The following INPP5J variants were observed in gnomAD, a reference collection of about 807,000 sequenced individuals.
INPP5J encodes phosphatidylinositol 4,5-bisphosphate 5-phosphatase A.
A neutral mutation model predicts 86.6 loss-of-function variants in INPP5J; 75 were observed. The observed-to-expected ratio is 0.87, with a 90% CI of 0.72 to 1.05. The LOEUF (loss-of-function observed/expected upper bound fraction) is 1.05, where lower values mean the gene tolerates loss of function less well. Ranked by LOEUF, INPP5J falls within the 50% of genes least tolerant of loss-of-function variation. INPP5J has a pLI of 0.00. For synonymous variants in INPP5J, 540 were observed against 550.0 expected (o/e 0.98, Z 0.25); for missense variants, 1,229 against 1,341.2 (o/e 0.92, Z 1.31).
chr22:31,123,222 TGGTACTTTCCTCTGCTCAGCGAGCAGG>T (rs1921030998), intron 1 of INPP5J, 103 bp downstream of exon 1: 2 of 714,846 alleles, frequency 2.8e-6, no homozygotes, highest in African/African-American at 3.8e-5. Context: ...ACTGAGGGGC[TGGTACTTTCCTCTGCTCAGCGAGCAGG>T]GGCTAGGTGA....
At chr22:31,126,182 G>T in intron 2 of INPP5J, 172 bp downstream of exon 2, 1 of 811,050 alleles carries the variant, frequency 1.2e-6, no homozygotes. Context: ...CCCTCCTAAG[G>T]AACTTGCCGC....
Position 31,134,481 on chromosome 22 carries a change from C to T in INPP5J, c.*62C>T, listed in dbSNP as rs1325459376. ...TCTGCCTCAATCTTTTGCAAGCCCA[C>T]CTGCCTCTCTCCTGCTGCTCCTCCA... On this transcript the variant is annotated 3_prime_UTR_variant, in exon 13 of 13. Coordinates refer to ENST00000331075, the MANE Select transcript of INPP5J (RefSeq NM_001284285.2). The T allele has an allele frequency of 7.2e-6, 10 of 1,397,910 alleles. No homozygotes were observed. The highest frequency in any genetic ancestry group is 9.4e-6 in the Non-Finnish European group (10 of 1,068,240). 86.6% of individuals were successfully genotyped at this position (1,397,910 alleles called of 1,614,324 possible). A position where few individuals can be genotyped will look rare whatever the true frequency, so the allele number is the denominator to read the frequency against.
chr22:31,126,573 C>T (rs1186096416), intron 3 of INPP5J, 40 bp from the exon 4 acceptor site: 2 of 1,601,674 alleles, frequency 1.2e-6, no homozygotes, highest in South Asian at 1.1e-5. Flanking sequence ...TTCCAGGGCA[C>T]CTCTCCAATC....
Position 31,126,923 on chromosome 22 carries a change from G to A in INPP5J, c.1497G>A (p.Val499=), listed in dbSNP as rs1921523938. The change falls in exon 5 of 13, where the codon GTG becomes GTA. Residue 499 remains valine (V), a splice_region_variant and synonymous_variant. Coordinates refer to ENST00000331075, the MANE Select transcript of INPP5J (RefSeq NM_001284285.2). The stretch of plus-strand genomic sequence containing the variant: ...AGCCACGTGGCCTCCCGCTGCAGGT[G>A]AGTTCGGTGAGGATGCAGGGTGTCA... ...DALGPFNFVL[V]SSVRMQGVIL... 6.2e-7 allele frequency: 1 copy of A among 1,606,330 alleles called. No homozygotes were observed. The highest frequency in any genetic ancestry group is 1.3e-5 in the African/African-American group (1 of 74,888).
rs146726083 is a variant in INPP5J at position 31,130,686 on chromosome 22, C to T, written c.2193+2032C>T. Among the ~76,000 whole-genome samples the T allele has an allele frequency of 3.8e-3, 571 of 152,258 alleles. 3 individuals carry two copies. The highest frequency in any genetic ancestry group is 0.013 in the African/African-American group (531 of 41,522). ...ATTTACTGAGTACTTAACTGTCTTA[C>T]CATATGCCAAGCATTATGAGAGTGT... On this transcript the variant is annotated intron_variant, in intron 9 of 12. Coordinates refer to ENST00000331075, the MANE Select transcript of INPP5J (RefSeq NM_001284285.2).
At chr22:31,128,151 C>T in intron 7 of INPP5J, 63 bp from the exon 8 acceptor site, 1 of 1,441,580 alleles carries the variant, frequency 6.9e-7, no homozygotes, top group Non-Finnish European at 9.6e-7. Context: ...CCTGCCCCAC[C>T]CCCTCCCTGG....
chr22:31,127,942 C>T lies in INPP5J; in HGVS notation c.1788-9C>T, dbSNP rs762831795. On this transcript the variant is annotated splice_polypyrimidine_tract_variant and intron_variant, in intron 6 of 12. Transcript: ENST00000331075. ...CCCCCACATCTCTCCCATCCCCCAC[C>T]CCAAACAGCCTCGTGTTCTGGTTCG... 1.3e-6 allele frequency: 2 copies of T among 1,587,192 alleles called. No individual in the cohort carries two copies. Among genetic ancestry groups the T allele is most frequent in the Non-Finnish European group, 1.7e-6 (2 of 1,156,304 alleles).
chr22:31,133,304 G>A (rs1332096789), intron 10 of INPP5J, 69 bp downstream of exon 10: 7 of 1,601,324 alleles, frequency 4.4e-6, no homozygotes, highest in African/African-American at 2.7e-5. Flanking sequence ...GAACAGCATG[G>A]TGGGGTCACT....
chr22:31,126,762 T>A (rs1921501596), intron 4 of INPP5J, 41 bp downstream of exon 4: 3 of 1,553,696 alleles, frequency 1.9e-6, no homozygotes, highest in Non-Finnish European at 2.7e-6. Context: ...GAGACCCTGC[T>A]GAATTCCTGG....
chr22:31,133,538 A>C, intron 11 of INPP5J, 55 bp downstream of exon 11: 1 of 1,596,840 alleles, frequency 6.3e-7, no homozygotes, highest in Non-Finnish European at 8.6e-7. Context: ...TTGGGACCTC[A>C]GAACTCACCT....
At chr22:31,133,333 T>A in intron 10 of INPP5J, 73 bp from the exon 11 acceptor site, 1 of 1,591,044 alleles carries the variant, frequency 6.3e-7, no homozygotes, top group East Asian at 2.3e-5. Flanking sequence ...CAGATCTTGA[T>A]GCCACACTGG....
chr22:31,125,705 TC>T lies in INPP5J; in HGVS notation c.967del (p.Leu323CysfsTer62). 6.4e-7 allele frequency: 1 copy of T among 1,551,032 alleles called. No homozygotes were observed. The highest frequency in any genetic ancestry group is 8.7e-7 in the Non-Finnish European group (1 of 1,146,846). On this transcript the variant is annotated frameshift_variant, in exon 2 of 13. Coordinates refer to ENST00000331075, the MANE Select transcript of INPP5J (RefSeq NM_001284285.2). LOFTEE classifies it high-confidence loss of function. ...SEPGTHSPGL[L>X]SPTFRPGAPS... The stretch of plus-strand genomic sequence containing the variant: ...AGCCTGGCACTCACTCCCCTGGACT[TC>T]TGTCCCCCACCTTCCGGCCTGGGGC...
chr22:31,127,570 G>T (rs1921621144), intron 6 of INPP5J, 38 bp downstream of exon 6: 1 of 1,577,030 alleles, frequency 6.3e-7, no homozygotes, highest in African/African-American at 1.3e-5. Context: ...GCTTGGGTGG[G>T]GCTAGTGATG....
chr22:31,123,004 G>A lies in INPP5J; in HGVS notation c.-11G>A, dbSNP rs752548371. 24 of 1,434,230 alleles carry A rather than the reference G, an allele frequency of 1.7e-5. No homozygotes were observed. In the South Asian group the frequency reaches 3.2e-4, roughly 19 times the overall value. 88.8% of individuals were successfully genotyped at this position (1,434,230 alleles called of 1,614,324 possible). A position where few individuals can be genotyped will look rare whatever the true frequency, so the allele number is the denominator to read the frequency against. On this transcript the variant is annotated 5_prime_UTR_variant, in exon 1 of 13. Coordinates refer to ENST00000331075, the MANE Select transcript of INPP5J (RefSeq NM_001284285.2). ...GAGCCAAGGGAGTCCAGGCTGCCGG[G>A]GGCTGCAGACATGGAGGGCCAGAGC...
chr22:31,129,390 G>A (rs1483893054), intron 9 of INPP5J, among the ~76,000 whole-genome samples: 2 of 149,424 alleles, frequency 1.3e-5, no homozygotes, highest in Admixed American at 6.7e-5. Flanking sequence ...ACAGGCACCC[G>A]CCGTCATGCC....
intron 1 of INPP5J, chr22:31,124,011 G>A (rs1921113667): frequency 6.6e-6 from 1 of 152,320 alleles, no homozygotes; most frequent in Admixed American, 6.5e-5. Flanking sequence ...ACTTGGTGAG[G>A]ATGGACTATT....
chr22:31,126,202 G>C (rs1921403431), intron 2 of INPP5J, 174 bp from the exon 3 acceptor site: 6 of 781,584 alleles, frequency 7.7e-6, no homozygotes, highest in African/African-American at 1.7e-5. Flanking sequence ...CCTCTCAGTT[G>C]ATCTCCCCAG....
In INPP5J at chr22:31,134,362, C is replaced by T; in HGVS notation, c.2964C>T (p.Ser988=). Residue 988 remains serine (S), a synonymous_variant, in exon 13 of 13, where the codon AGC becomes AGT. Transcript: ENST00000331075. ...ATCGGGAGGCCCTGGCGCCCAACAG[C>T]CTGTCTCCTAGTCCCCAGGGCCATC... ...GPDREALAPN[S]LSPSPQGHRG... 1 of 1,527,554 alleles carries T rather than the reference C, an allele frequency of 6.5e-7. No individual in the cohort carries two copies. The highest frequency in any genetic ancestry group is 1.7e-4 in the Middle Eastern group (1 of 5,858). The allele number at this position is 1,527,554 out of a possible 1,614,324, so 94.6% of individuals were successfully genotyped here.
At chr22:31,131,779 C>CA in intron 9 of INPP5J, among the ~76,000 whole-genome samples, 1 of 152,284 alleles carries the variant, frequency 6.6e-6, no homozygotes, top group East Asian at 1.9e-4. Context: ...TTTGATGCTG[C>CA]AAGGCCTTGG....
Sources: gnomAD v4.1 joint callset for allele counts (sites outside exome capture counted in the v4.1 genomes callset) on GRCh38, gnomAD v4.1.1 for gene constraint, MANE v1.5 for transcripts, NCBI Gene and HGNC (gene_info 2026-07-23, HGNC 2026-07-21) for gene names.